Variants in RER1 observed in about 807,000 individuals in gnomAD.
The protein encoded by RER1 is protein RER1.
In RER1, 6 loss-of-function variants were observed where a neutral mutation model predicts 28.3. The ratio of observed to expected loss-of-function variants is 0.21; its 90% CI spans 0.12 to 0.42. The LOEUF (loss-of-function observed/expected upper bound fraction) is 0.42. RER1 is among the 10% of genes least tolerant of loss of function. The probability of loss-of-function intolerance (pLI) is 1.00; values close to 1 mark genes in which losing one functional copy is unlikely to be tolerated. For synonymous variants in RER1, 110 were observed against 95.9 expected (o/e 1.15, Z -0.86); for missense variants, 159 against 252.9 (o/e 0.63, Z 2.52).
At chr1:2,392,370 G>A (rs1453586000) in intron 1 of RER1, among the ~76,000 whole-genome samples, 1 of 152,222 alleles carries the variant, frequency 6.6e-6, no homozygotes, top group East Asian at 1.9e-4. Flanking sequence ...CCCATCCTGC[G>A]TCCAGGTCAG....
intron 2 of RER1, 63 bp from the exon 3 acceptor site, chr1:2,397,053 G>A: frequency 9.5e-7 from 1 of 1,049,534 alleles, no homozygotes; most frequent in South Asian, 1.4e-5. Flanking sequence ...GGTACATTTT[G>A]TGGCAGGGTC....
chr1:2,393,567 C>T (rs773686911), intron 1 of RER1, among the ~76,000 whole-genome samples: 6 of 152,130 alleles, frequency 3.9e-5, no homozygotes, highest in African/African-American at 7.2e-5. Context: ...GGGTGCTCCA[C>T]GGGCTGCCCA....
At position 2,396,843 on chromosome 1, in the gene RER1, G is replaced by C. The variant is rs78138078; in HGVS notation, c.82-273G>C. On this transcript the variant is annotated intron_variant, in intron 2 of 6. Coordinates refer to ENST00000605895, the MANE Select transcript of RER1 (RefSeq NM_007033.5). ...TGGGTCTTCCCCATAGTGATCCCTT[G>C]GGGCCAGCACAATGTCACAGTCTCC... Among the ~76,000 whole-genome samples the C allele has an allele frequency of 2.5e-4, 38 of 152,330 alleles. No homozygotes were observed. The East Asian group carries it at 6.2e-3, about 25-fold the overall frequency.
intron 2 of RER1, 175 bp downstream of exon 2, chr1:2,396,046 C>T (rs1010358939): frequency 1.5e-5 from 9 of 619,674 alleles, no homozygotes; most frequent in African/African-American, 1.1e-4. Flanking sequence ...GTGGAGAGAT[C>T]GGGCTCTGGG....
Position 2,403,505 on chromosome 1 carries a change from C to A in RER1, c.*381C>A. Reference sequence around the variant, plus strand: ...CCCGCCAGCCGCCTTCCCCAGCAGCCGCAGGTGGTGCCAGCCACTCCACAG... The same window carrying A: ...CCCGCCAGCCGCCTTCCCCAGCAGCAGCAGGTGGTGCCAGCCACTCCACAG... On this transcript the variant is annotated 3_prime_UTR_variant, in exon 7 of 7. Coordinates refer to ENST00000605895, the MANE Select transcript of RER1 (RefSeq NM_007033.5). 1 of 285,160 alleles carries A rather than the reference C, an allele frequency of 3.5e-6. No individual in the cohort carries two copies. Among genetic ancestry groups the A allele is most frequent in the Non-Finnish European group, 6.9e-6 (1 of 145,664 alleles). The allele number at this position is 285,160 out of a possible 1,614,324, so 17.7% of individuals were successfully genotyped here.
rs1401581910 is a variant in RER1, at chr1:2,404,324, C to T, written c.*1200C>T. Reference sequence around the variant, plus strand: ...CTGACCCAAGATAGCCAGTGCTGCTCCCAGGTGGTACTTCTGGTACCGTGT... The same window carrying T: ...CTGACCCAAGATAGCCAGTGCTGCTTCCAGGTGGTACTTCTGGTACCGTGT... On this transcript the variant is annotated 3_prime_UTR_variant, in exon 7 of 7. Coordinates refer to ENST00000605895, the MANE Select transcript of RER1 (RefSeq NM_007033.5). The T allele has an allele frequency of 6.6e-6, 1 of 152,284 alleles. No individual in the cohort carries two copies. The highest frequency in any genetic ancestry group is 1.5e-5 in the Non-Finnish European group (1 of 68,064). 9.4% of individuals were successfully genotyped at this position (152,284 alleles called of 1,614,324 possible).
At chr1:2,402,871 A>G (rs766465634) in intron 6 of RER1, among the ~76,000 whole-genome samples, 164 bp from the exon 7 acceptor site, 1 of 152,122 alleles carries the variant, frequency 6.6e-6, no homozygotes, top group Non-Finnish European at 1.5e-5. Context: ...TGGGCTGTGG[A>G]AGGTCTTGCT....
At position 2,402,187 on chromosome 1, in the gene RER1, CCTT is replaced by C; in HGVS notation, c.366-17_366-15del. Reference sequence around the variant, plus strand: ...GTGCTGGCTGCAGATGCGGCGCTAACCTTCTCTCCCCACTTGAAGGCATGCGGC... The same window carrying C: ...GTGCTGGCTGCAGATGCGGCGCTAACCTCTCCCCACTTGAAGGCATGCGGC... On this transcript the variant is annotated splice_polypyrimidine_tract_variant and intron_variant, in intron 5 of 6. Coordinates refer to ENST00000605895, the MANE Select transcript of RER1 (RefSeq NM_007033.5). The C allele has an allele frequency of 6.2e-7, 1 of 1,614,144 alleles. No individual in the cohort carries two copies. Among genetic ancestry groups the C allele is most frequent in the Non-Finnish European group, 8.5e-7 (1 of 1,180,032 alleles).
At chr1:2,402,488 C>A in intron 6 of RER1, 146 bp downstream of exon 6, 1 of 1,039,818 alleles carries the variant, frequency 9.6e-7, no homozygotes, top group Non-Finnish European at 1.4e-6. Context: ...TTGTGTGTGA[C>A]GAGGACACTG....
chr1:2,395,789 G>A lies in RER1; in HGVS notation c.-2G>A. The A allele has an allele frequency of 1.2e-6, 2 of 1,611,806 alleles. No individual in the cohort carries two copies. Among genetic ancestry groups the A allele is most frequent in the Non-Finnish European group, 1.7e-6 (2 of 1,177,830 alleles). On this transcript the variant is annotated 5_prime_UTR_variant, in exon 2 of 7. Coordinates refer to ENST00000605895, the MANE Select transcript of RER1 (RefSeq NM_007033.5). The stretch of plus-strand genomic sequence containing the variant: ...ATTTTGTGTTTTTCTCCCAGTTACA[G>A]AATGTCTGAAGGGGACAGTGTGGGA...
intron 6 of RER1, among the ~76,000 whole-genome samples, chr1:2,402,683 G>A (rs1642886931): frequency 6.6e-6 from 1 of 152,248 alleles, no homozygotes; most frequent in African/African-American, 2.4e-5. Flanking sequence ...TTAGGGGGAA[G>A]TTAGCCGAGA....
intron 5 of RER1, chr1:2,401,895 C>T (rs1257916339): frequency 2.4e-6 from 2 of 819,638 alleles, no homozygotes; most frequent in Non-Finnish European, 3.7e-6. Context: ...GGGTTTCTCT[C>T]CAGATCGCAG....
In RER1 at chr1:2,403,289, T is replaced by C. The variant is rs1642900865; in HGVS notation, c.*165T>C. On this transcript the variant is annotated 3_prime_UTR_variant, in exon 7 of 7. Transcript: ENST00000605895. ...TGAAATATCAGGTTCTAGAAGAAACTGGCGCTTAAACCAAATCGCATGGAT... is the reference window on the plus strand; with the variant it reads ...TGAAATATCAGGTTCTAGAAGAAACCGGCGCTTAAACCAAATCGCATGGAT... 3.4e-6 allele frequency: 2 copies of C among 595,280 alleles called. No homozygotes were observed. Among genetic ancestry groups the C allele is most frequent in the Non-Finnish European group, 3.0e-6 (1 of 330,370 alleles). 36.9% of individuals were successfully genotyped at this position (595,280 alleles called of 1,614,324 possible).
At position 2,403,343 on chromosome 1, in the gene RER1, T is replaced by TC. The variant is rs1290592000; in HGVS notation, c.*220dup. 1.6e-5 allele frequency: 8 copies of TC among 491,138 alleles called. No homozygotes were observed. The highest frequency in any genetic ancestry group is 3.0e-5 in the Non-Finnish European group (8 of 268,528). The allele number at this position is 491,138 out of a possible 1,614,324, so 30.4% of individuals were successfully genotyped here. A position where few individuals can be genotyped will look rare whatever the true frequency, so the allele number is the denominator to read the frequency against. ...TTTTTCAGTGACGTTCAAGTGTTTC[T>TC]CACGGATGGAATTCTAGTCAGCTGC... On this transcript the variant is annotated 3_prime_UTR_variant, in exon 7 of 7. Coordinates refer to ENST00000605895, the MANE Select transcript of RER1 (RefSeq NM_007033.5).
At chr1:2,393,837 T>G (rs1642729362) in intron 1 of RER1, among the ~76,000 whole-genome samples, 1 of 152,124 alleles carries the variant, frequency 6.6e-6, no homozygotes, top group Non-Finnish European at 1.5e-5. Context: ...GTATACGTGT[T>G]GTGTGTGTCA....
At position 2,404,498 on chromosome 1, in the gene RER1, T is replaced by C. The variant is rs1251460254; in HGVS notation, c.*1374T>C. On this transcript the variant is annotated 3_prime_UTR_variant, in exon 7 of 7. Transcript: ENST00000605895. ...AAGCAAAGGACTGGGTGCTGATGGA[T>C]GGAGCCACGGCGGCATCTGCCCACC... The C allele has an allele frequency of 3.3e-5, 5 of 152,272 alleles. No homozygotes were observed. The highest frequency in any genetic ancestry group is 5.9e-5 in the Non-Finnish European group (4 of 68,068). 9.4% of individuals were successfully genotyped at this position (152,272 alleles called of 1,614,324 possible).
Position 2,400,935 on chromosome 1 carries a change from G to A in RER1, c.365G>A (p.Trp122Ter), listed in dbSNP as rs1398058467. The change falls in exon 5 of 7, where the codon TGG becomes TAG. Residue 122 changes from tryptophan to a stop codon, truncating the protein, a stop_gained and splice_region_variant. Transcript: ENST00000605895. LOFTEE classifies it high-confidence loss of function. ...CGAAGGCTCCCAGAGTTTAAATTTT[G>A]GTGAGCTAATTCTTCACGGTATTTG... ...FIRRLPEFKF[W>*]HAATKGILVA... The A allele has an allele frequency of 6.2e-7, 1 of 1,611,798 alleles. No individual in the cohort carries two copies. Among genetic ancestry groups the A allele is most frequent in the East Asian group, 2.2e-5 (1 of 44,878 alleles).
intron 5 of RER1, 102 bp downstream of exon 5, chr1:2,401,037 G>T: frequency 1.0e-6 from 1 of 991,772 alleles, no homozygotes; most frequent in Non-Finnish European, 1.6e-6. Flanking sequence ...GATGACTGCT[G>T]TGCTGGGCTG....
At chr1:2,392,036 GCGGGCGGGGCCGCGCTGAGGGC>G (rs1342565501) in intron 1 of RER1, 78 bp downstream of exon 1, 3 of 151,766 alleles carry the variant, frequency 2.0e-5, no homozygotes, top group Admixed American at 6.6e-5. Context: ...AAGGCCGCGG[GCGGGCGGGGCCGCGCTGAGGGC>G]CGGGCGGGGA....
Sources: gnomAD v4.1 joint callset for allele counts (sites outside exome capture counted in the v4.1 genomes callset) on GRCh38, gnomAD v4.1.1 for gene constraint, MANE v1.5 for transcripts, NCBI Gene and HGNC (gene_info 2026-07-23, HGNC 2026-07-21) for gene names.